The following MACROD2 variants were observed in gnomAD, a reference collection of about 807,000 sequenced individuals.
MACROD2 encodes ADP-ribose glycohydrolase MACROD2.
In MACROD2, 36 loss-of-function variants were observed where a neutral mutation model predicts 70.4. That is an observed-to-expected ratio of 0.51 (90% CI 0.39 to 0.68). MACROD2 has a LOEUF of 0.68. MACROD2 is among the 30% of genes least tolerant of loss of function. The probability of loss-of-function intolerance (pLI) is 0.00; values close to 1 mark genes in which losing one functional copy is unlikely to be tolerated. For synonymous variants in MACROD2, 172 were observed against 178.8 expected, an observed-to-expected ratio of 0.96 and a Z score of 0.30; for missense variants, 496 against 538.4, an observed-to-expected ratio of 0.92 and a Z score of 0.78.
At chr20:14,828,545 ATC>A (rs1387481063) in intron 5 of MACROD2, among the ~76,000 whole-genome samples, 1 of 152,096 alleles carries the variant, frequency 6.6e-6, no homozygotes, top group East Asian at 1.9e-4. Context: ...GAGACAGATA[ATC>A]CTGCTGCTTA....
chr20:14,336,434 C>T (rs1471568136), intron 3 of MACROD2, among the ~76,000 whole-genome samples: 2 of 151,896 alleles, frequency 1.3e-5, no homozygotes, highest in African/African-American at 4.8e-5. Context: ...TATATGCAAC[C>T]ATTTTGTTTC....
intron 3 of MACROD2, among the ~76,000 whole-genome samples, chr20:14,213,381 A>AAAAAAAAAAAAAAC (rs2081586868): frequency 1.3e-5 from 2 of 148,680 alleles, no homozygotes; most frequent in African/African-American, 2.5e-5. Context: ...AAAAAAAAAA[A>AAAAAAAAAAAAAAC]AAAAAGGCCA....
chr20:15,628,397 G>A (rs556701054), intron 8 of MACROD2, among the ~76,000 whole-genome samples: 2 of 152,316 alleles, frequency 1.3e-5, no homozygotes, highest in Admixed American at 1.3e-4. Flanking sequence ...AACCCAGGAT[G>A]TCTGGCTCTA....
At chr20:16,014,528 T>G (rs957339810) in intron 15 of MACROD2, among the ~76,000 whole-genome samples, 2 of 152,210 alleles carry the variant, frequency 1.3e-5, no homozygotes, top group Non-Finnish European at 2.9e-5. Context: ...TTCTCTCATT[T>G]GTAAAGCAAC....
chr20:14,964,682 A>C (rs1025231029), intron 5 of MACROD2, among the ~76,000 whole-genome samples: 11 of 152,246 alleles, frequency 7.2e-5, no homozygotes, highest in African/African-American at 2.4e-4. Context: ...TAATAATAGC[A>C]GCAACAATGG....
intron 5 of MACROD2, among the ~76,000 whole-genome samples, chr20:14,958,606 C>G (rs576825879): frequency 1.3e-5 from 2 of 152,162 alleles, no homozygotes; most frequent in Non-Finnish European, 2.9e-5. Flanking sequence ...CTGATTAGCC[C>G]GGTTCTACTC....
At chr20:15,680,730 T>G (rs1490133667) in intron 8 of MACROD2, among the ~76,000 whole-genome samples, 1 of 152,128 alleles carries the variant, frequency 6.6e-6, no homozygotes, top group African/African-American at 2.4e-5. Context: ...TTGTTGATAT[T>G]TTGGTCATGA....
chr20:15,391,568 T>C (rs1277702270), intron 6 of MACROD2, among the ~76,000 whole-genome samples: 1 of 152,234 alleles, frequency 6.6e-6, no homozygotes, highest in Non-Finnish European at 1.5e-5. Context: ...AGGACTCATT[T>C]CTGCCAGCCA....
intron 5 of MACROD2, among the ~76,000 whole-genome samples, chr20:15,024,791 C>G (rs760974324): frequency 2.0e-4 from 31 of 152,078 alleles, no homozygotes; most frequent in Non-Finnish European, 3.2e-4. Flanking sequence ...GACTATTGAT[C>G]TAGTTTTAAC....
rs184200019 is a variant in MACROD2 at position 15,860,894 on chromosome 20, C to T, written c.646-1851C>T. Among the ~76,000 whole-genome samples, 176 of 152,294 alleles carry T rather than the reference C, an allele frequency of 1.2e-3. 1 individual carries two copies. The highest frequency in any genetic ancestry group is 4.1e-3 in the African/African-American group (169 of 41,550). ...GCTCCAAATTGCAGGTGATTCTGGGCTCCACTGAAGGGGCATGAAGGGCTT... is the reference window on the plus strand; with the variant it reads ...GCTCCAAATTGCAGGTGATTCTGGGTTCCACTGAAGGGGCATGAAGGGCTT... On this transcript the variant is annotated intron_variant, in intron 8 of 17. Coordinates refer to ENST00000684519, the MANE Select transcript of MACROD2 (RefSeq NM_001351661.2).
intron 3 of MACROD2, among the ~76,000 whole-genome samples, chr20:14,274,272 C>A (rs1460714190): frequency 6.6e-6 from 1 of 152,150 alleles, no homozygotes; most frequent in Non-Finnish European, 1.5e-5. Context: ...CCGAATCCAG[C>A]AGCACATCAA....
chr20:15,237,161 A>C (rs2077020846), intron 6 of MACROD2, among the ~76,000 whole-genome samples: 1 of 152,168 alleles, frequency 6.6e-6, no homozygotes, highest in Non-Finnish European at 1.5e-5. Flanking sequence ...CTGTTTATAA[A>C]CACCAAGATA....
chr20:15,109,143 G>A (rs2075935016), intron 5 of MACROD2, among the ~76,000 whole-genome samples: 1 of 152,110 alleles, frequency 6.6e-6, no homozygotes, highest in African/African-American at 2.4e-5. Flanking sequence ...GAGACCATCT[G>A]GTTCACAGTC....
intron 15 of MACROD2, among the ~76,000 whole-genome samples, chr20:16,015,264 G>A (rs2066914272): frequency 6.6e-6 from 1 of 152,120 alleles, no homozygotes; most frequent in Non-Finnish European, 1.5e-5. Context: ...ACACCAAACT[G>A]AAACACTACA....
intron 3 of MACROD2, among the ~76,000 whole-genome samples, chr20:14,490,714 A>T (rs751415726): frequency 1.3e-5 from 2 of 152,114 alleles, no homozygotes; most frequent in Non-Finnish European, 2.9e-5. Context: ...CATGTCCAAA[A>T]TTCCCTCTAG....
chr20:15,563,040 T>C (rs984668989), intron 8 of MACROD2, among the ~76,000 whole-genome samples: 2 of 152,212 alleles, frequency 1.3e-5, no homozygotes, highest in African/African-American at 4.8e-5. Context: ...TTATTCCTGA[T>C]GCTATGGCTG....
intron 3 of MACROD2, among the ~76,000 whole-genome samples, chr20:14,484,326 G>GTA (rs765499577): frequency 3.3e-5 from 5 of 151,898 alleles, no homozygotes; most frequent in African/African-American, 1.2e-4. Flanking sequence ...AGATGTGTGT[G>GTA]TATATATATA....
chr20:15,557,879 G>T (rs2048189461), intron 8 of MACROD2, among the ~76,000 whole-genome samples: 1 of 152,104 alleles, frequency 6.6e-6, no homozygotes, highest in Non-Finnish European at 1.5e-5. Context: ...TTCATCCCCA[G>T]CCATGTTATG....
At chr20:14,237,475 T>C (rs2081887025) in intron 3 of MACROD2, among the ~76,000 whole-genome samples, 1 of 151,690 alleles carries the variant, frequency 6.6e-6, no homozygotes, top group Non-Finnish European at 1.5e-5. Context: ...TTCCATATTG[T>C]GTATCTGCCT....
Sources: allele counts gnomAD v4.1 joint callset (sites outside exome capture counted in the v4.1 genomes callset), GRCh38; gene constraint gnomAD v4.1.1; transcripts MANE v1.5; gene names NCBI Gene and HGNC (gene_info 2026-07-23, HGNC 2026-07-21).